The following ARHGEF26 variants were observed in gnomAD, a reference collection of about 807,000 sequenced individuals.
ARHGEF26 encodes Rho guanine nucleotide exchange factor 26, also known as Rho guanine nucleotide exchange factor (GEF) 26.
A neutral mutation model predicts 89.4 loss-of-function variants in ARHGEF26; 59 were observed. That is an observed-to-expected ratio of 0.66 (90% CI 0.54 to 0.82). The LOEUF (loss-of-function observed/expected upper bound fraction) is 0.82, where lower values mean the gene tolerates loss of function less well. Among genes scored for constraint, ARHGEF26 ranks in the 40% least tolerant of loss-of-function variants. The pLI, the probability that ARHGEF26 is intolerant of heterozygous loss-of-function variation, is 0.00. For synonymous variants in ARHGEF26, 500 were observed against 428.4 expected, an observed-to-expected ratio of 1.17 and a Z score of -2.06; for missense variants, 1,234 against 1,085.6, an observed-to-expected ratio of 1.14 and a Z score of -1.92.
chr3:154,219,321 G>A (rs1336044331), intron 10 of ARHGEF26, among the ~76,000 whole-genome samples: 1 of 152,054 alleles, frequency 6.6e-6, no homozygotes, highest in Non-Finnish European at 1.5e-5. Flanking sequence ...TAGGCCGGGC[G>A]AGGTGGCTCA....
At chr3:154,172,166 A>G (rs1164070886) in intron 6 of ARHGEF26, among the ~76,000 whole-genome samples, 2 of 152,176 alleles carry the variant, frequency 1.3e-5, no homozygotes, top group Non-Finnish European at 2.9e-5. Context: ...AAAAGGATAC[A>G]CTTTTGGAAC....
At chr3:154,150,411 C>G (rs1719953224) in intron 5 of ARHGEF26, among the ~76,000 whole-genome samples, 1 of 151,988 alleles carries the variant, frequency 6.6e-6, no homozygotes, top group South Asian at 2.1e-4. Context: ...TACTTCCAGC[C>G]TGTGTTTTAA....
intron 11 of ARHGEF26, among the ~76,000 whole-genome samples, chr3:154,226,961 G>A (rs1716532245): frequency 6.6e-6 from 1 of 152,150 alleles, no homozygotes; most frequent in Non-Finnish European, 1.5e-5. Context: ...CAAAATAAAT[G>A]TCCAAATGTA....
chr3:154,231,752 G>C (rs781361678), intron 11 of ARHGEF26, among the ~76,000 whole-genome samples: 30 of 152,290 alleles, frequency 2.0e-4, no homozygotes, highest in Admixed American at 1.2e-3. Flanking sequence ...TCCAGAACAT[G>C]AGCAGTTTAG....
chr3:154,124,359 T>C, intron 2 of ARHGEF26, 51 bp from the exon 3 acceptor site: 1 of 1,256,504 alleles, frequency 8.0e-7, no homozygotes, highest in East Asian at 2.6e-5. Context: ...CATTCATACA[T>C]AGTTTGCTTT....
chr3:154,139,988 A>G (rs1474775792), intron 4 of ARHGEF26, among the ~76,000 whole-genome samples: 1 of 152,240 alleles, frequency 6.6e-6, no homozygotes, highest in African/African-American at 2.4e-5. Context: ...TAATAATACA[A>G]AAATGGAGCA....
Position 154,257,127 on chromosome 3 carries a change from T to G in ARHGEF26, c.*1654T>G, listed in dbSNP as rs999124910. 8.7e-6 allele frequency: 8 copies of G among 916,688 alleles called. No homozygotes were observed. The highest frequency in any genetic ancestry group is 1.2e-5 in the Non-Finnish European group (8 of 644,108). 56.8% of individuals were successfully genotyped at this position (916,688 alleles called of 1,614,324 possible). Reference sequence around the variant, plus strand: ...CAGTTGAGGGGTAAGTGTGCCTGGCTCACACAGCCTGCACCCTGTCACCTC... The same window carrying G: ...CAGTTGAGGGGTAAGTGTGCCTGGCGCACACAGCCTGCACCCTGTCACCTC... On this transcript the variant is annotated 3_prime_UTR_variant, in exon 15 of 15. Coordinates refer to ENST00000465093, the MANE Select transcript of ARHGEF26 (RefSeq NM_015595.4).
At chr3:154,247,840 T>C (rs1717893599) in intron 12 of ARHGEF26, among the ~76,000 whole-genome samples, 1 of 152,224 alleles carries the variant, frequency 6.6e-6, no homozygotes, top group Admixed American at 6.5e-5. Context: ...AGGCCCTAAG[T>C]CATGGTATCG....
intron 4 of ARHGEF26, among the ~76,000 whole-genome samples, chr3:154,134,179 C>CCTTT (rs1205844885): frequency 3.3e-5 from 5 of 152,028 alleles, no homozygotes; most frequent in African/African-American, 2.4e-5. Context: ...ATTTGAATAC[C>CCTTT]CTTTCTTTCT....
At chr3:154,248,403 A>G (rs1717924247) in intron 12 of ARHGEF26, among the ~76,000 whole-genome samples, 1 of 152,220 alleles carries the variant, frequency 6.6e-6, no homozygotes, top group Non-Finnish European at 1.5e-5. Context: ...ATAAAATTGT[A>G]AATAGTATCT....
At chr3:154,204,752 C>G (rs142015124) in intron 9 of ARHGEF26, among the ~76,000 whole-genome samples, 1 of 152,084 alleles carries the variant, frequency 6.6e-6, no homozygotes, top group Non-Finnish European at 1.5e-5. Flanking sequence ...GAAATTTTTA[C>G]ATTTCCTTAA....
chr3:154,185,276 A>G (rs1379903133), intron 6 of ARHGEF26, among the ~76,000 whole-genome samples: 3 of 151,738 alleles, frequency 2.0e-5, no homozygotes. Flanking sequence ...TTTGCATCAC[A>G]CTCCACAGGT....
intron 6 of ARHGEF26, among the ~76,000 whole-genome samples, chr3:154,175,811 G>A (rs1298572436): frequency 1.3e-5 from 2 of 152,152 alleles, no homozygotes; most frequent in African/African-American, 4.8e-5. Flanking sequence ...TATTTATTTT[G>A]CATAGCTGTA....
intron 10 of ARHGEF26, among the ~76,000 whole-genome samples, chr3:154,223,080 G>GT (rs1354563854): frequency 8.5e-5 from 13 of 152,182 alleles, no homozygotes; most frequent in African/African-American, 2.9e-4. Flanking sequence ...GAAGAATTTT[G>GT]TTTTTTTGTC....
chr3:154,251,617 G>A (rs1411733371), intron 12 of ARHGEF26, among the ~76,000 whole-genome samples: 2 of 152,240 alleles, frequency 1.3e-5, no homozygotes, highest in African/African-American at 4.8e-5. Flanking sequence ...AGGATTATCA[G>A]ACTGGGATGG....
At chr3:154,202,643 G>T (rs1370951467) in intron 9 of ARHGEF26, among the ~76,000 whole-genome samples, 3 of 152,152 alleles carry the variant, frequency 2.0e-5, no homozygotes, top group Admixed American at 6.5e-5. Flanking sequence ...AGCATGGAAT[G>T]TTCTTCCATT....
chr3:154,232,840 T>G (rs1297994129), intron 11 of ARHGEF26, among the ~76,000 whole-genome samples: 1 of 151,616 alleles, frequency 6.6e-6, no homozygotes, highest in Non-Finnish European at 1.5e-5. Context: ...GTTTCTTTCT[T>G]TCTTTTTTTT....
At chr3:154,235,097 GTTTA>G (rs947135171) in intron 11 of ARHGEF26, among the ~76,000 whole-genome samples, 4 of 151,676 alleles carry the variant, frequency 2.6e-5, no homozygotes, top group Non-Finnish European at 5.9e-5. Flanking sequence ...ATTTCTGCAT[GTTTA>G]TTTTTTTTCC....
rs1373743441 is a variant in ARHGEF26 at position 154,122,626 on chromosome 3, G to C, written c.634G>C (p.Glu212Gln). The C allele has an allele frequency of 1.2e-6, 2 of 1,613,690 alleles. No homozygotes were observed. The highest frequency in any genetic ancestry group is 1.3e-5 in the African/African-American group (1 of 74,930). The change falls in exon 2 of 15, where the codon GAA becomes CAA. Residue 212 changes from glutamate (E) to glutamine (Q), a missense_variant. Coordinates refer to ENST00000465093, the MANE Select transcript of ARHGEF26 (RefSeq NM_015595.4). ...TCCTGGGCCCCAGAAAAGTTCTTCG[G>C]AACAAAAACTCCCCCTCCAAAGGCT... ...LFPGPQKSSS[E>Q]QKLPLQRLPS...
Sources: gnomAD v4.1 joint callset for allele counts (sites outside exome capture counted in the v4.1 genomes callset) on GRCh38, gnomAD v4.1.1 for gene constraint, MANE v1.5 for transcripts, NCBI Gene and HGNC (gene_info 2026-07-23, HGNC 2026-07-21) for gene names.